RNLS: variants seen among roughly 807,000 people sequenced by gnomAD.
RNLS encodes the protein renalase.
In RNLS, 39 loss-of-function variants were observed where a neutral mutation model predicts 39.8. The observed-to-expected ratio is 0.98, with a 90% confidence interval of 0.76 to 1.28. The LOEUF is 1.28. RNLS is among the 50% of genes most tolerant of loss of function. The probability of loss-of-function intolerance (pLI) is 0.00; values close to 1 mark genes in which losing one functional copy is unlikely to be tolerated. For synonymous variants in RNLS, 147 were observed against 150.7 expected (o/e 0.98, Z 0.18); for missense variants, 410 against 413.3 (o/e 0.99, Z 0.07).
intron 5 of RNLS, among the ~76,000 whole-genome samples, chr10:88,347,851 G>C (rs373559471): frequency 6.6e-6 from 1 of 152,012 alleles, no homozygotes; most frequent in Non-Finnish European, 1.5e-5. Context: ...CAATTAGGCA[G>C]AGTAATTTAG....
At chr10:88,448,577 T>C (rs1842180263) in intron 4 of RNLS, among the ~76,000 whole-genome samples, 1 of 152,236 alleles carries the variant, frequency 6.6e-6, no homozygotes, top group Non-Finnish European at 1.5e-5. Context: ...TCAACCATTG[T>C]GGAAGACAGT....
At chr10:88,575,157 T>TAC (rs1281356005) in intron 3 of RNLS, among the ~76,000 whole-genome samples, 15 of 36,656 alleles carry the variant, frequency 4.1e-4, no homozygotes, top group Non-Finnish European at 6.9e-4. Flanking sequence ...TATATATATA[T>TAC]ATACACACAC....
the RNLS span, among the ~76,000 whole-genome samples, chr10:88,216,664 C>T: frequency 6.6e-6 from 1 of 152,240 alleles, no homozygotes; most frequent in African/African-American, 2.4e-5. Context: ...CTCTGGAGCA[C>T]AGAAGTGGCT....
intron 4 of RNLS, among the ~76,000 whole-genome samples, chr10:88,480,634 C>A (rs951826657): frequency 2.6e-5 from 4 of 152,192 alleles, no homozygotes; most frequent in African/African-American, 9.6e-5. Flanking sequence ...GTTGATCAGG[C>A]TGGTTTCGAA....
At position 88,362,245 on chromosome 10, in the gene RNLS, T is replaced by C. The variant is rs563206724; in HGVS notation, c.700+307A>G. On this transcript the variant is annotated intron_variant, in intron 5 of 6. Coordinates refer to ENST00000331772, the MANE Select transcript of RNLS (RefSeq NM_001031709.3). Reference sequence around the variant, plus strand: ...ACTTCACCAAGAAACAAATGAGAGATACATGTGCATATAGATGCATCCATA... The same window carrying C: ...ACTTCACCAAGAAACAAATGAGAGACACATGTGCATATAGATGCATCCATA... Among the ~76,000 whole-genome samples, 8 of 152,174 alleles carry C rather than the reference T, an allele frequency of 5.3e-5. No homozygotes were observed. In the East Asian group the frequency reaches 1.4e-3, roughly 26 times the overall value.
chr10:88,218,893 CTT>C, the RNLS span, among the ~76,000 whole-genome samples: 2 of 152,160 alleles, frequency 1.3e-5, no homozygotes, highest in Non-Finnish European at 2.9e-5. Context: ...CTTTGCCAAA[CTT>C]TTCCCACAGC....
chr10:88,196,149 C>CTT, the RNLS span, among the ~76,000 whole-genome samples: 3,171 of 122,220 alleles, frequency 0.026, 84 homozygotes, highest in South Asian at 0.15. Flanking sequence ...AGGGATCTCT[C>CTT]TTTTTAGTCA....
At chr10:88,450,126 C>T (rs931823808) in intron 4 of RNLS, among the ~76,000 whole-genome samples, 4 of 151,802 alleles carry the variant, frequency 2.6e-5, no homozygotes, top group Non-Finnish European at 5.9e-5. Context: ...GGGTAAGCTA[C>T]AGAACATGAT....
chr10:88,225,920 T>C, the RNLS span, among the ~76,000 whole-genome samples: 8 of 152,314 alleles, frequency 5.3e-5, no homozygotes, highest in African/African-American at 1.4e-4. Context: ...GTCCTATTTT[T>C]TTTTTCATCT....
At chr10:88,274,140 C>G (rs1564654392) in exon 7 of RNLS, 1 of 152,190 alleles carries the variant, frequency 6.6e-6, no homozygotes, top group Non-Finnish European at 1.5e-5. Flanking sequence ...AAATGCCCTT[C>G]TCCTCTTTGT....
At chr10:88,457,612 T>A (rs964667480) in intron 4 of RNLS, among the ~76,000 whole-genome samples, 2 of 145,822 alleles carry the variant, frequency 1.4e-5, no homozygotes, top group Non-Finnish European at 3.1e-5. Flanking sequence ...GTAAAGGATT[T>A]AGGGTTTATG....
At chr10:88,363,312 G>A (rs931723059) in intron 4 of RNLS, among the ~76,000 whole-genome samples, 1 of 151,888 alleles carries the variant, frequency 6.6e-6, no homozygotes, top group Non-Finnish European at 1.5e-5. Flanking sequence ...AATACCTAGG[G>A]GATGGGATGA....
At chr10:88,356,408 C>T (rs746062054) in intron 5 of RNLS, among the ~76,000 whole-genome samples, 7 of 152,162 alleles carry the variant, frequency 4.6e-5, no homozygotes, top group Admixed American at 6.5e-5. Context: ...ATAAAGTTCA[C>T]GGCTATTTGT....
chr10:88,290,612 A>C (rs912725021), intron 6 of RNLS, among the ~76,000 whole-genome samples: 4 of 152,230 alleles, frequency 2.6e-5, no homozygotes, highest in African/African-American at 9.6e-5. Flanking sequence ...AAGTTCTTTC[A>C]GATTTATCTA....
chr10:88,576,789 T>C (rs1850238085), intron 3 of RNLS, among the ~76,000 whole-genome samples: 1 of 152,236 alleles, frequency 6.6e-6, no homozygotes, highest in South Asian at 2.1e-4. Flanking sequence ...TCCTAGCTAA[T>C]GGCATCTGCC....
chr10:88,411,128 G>A (rs1470974210), intron 4 of RNLS, among the ~76,000 whole-genome samples: 1 of 152,098 alleles, frequency 6.6e-6, no homozygotes, highest in East Asian at 1.9e-4. Context: ...ACAGGAGTTG[G>A]TCACTGCACA....
At chr10:88,402,270 G>A (rs965942938) in intron 4 of RNLS, among the ~76,000 whole-genome samples, 1 of 151,846 alleles carries the variant, frequency 6.6e-6, no homozygotes, top group Non-Finnish European at 1.5e-5. Context: ...AATAGAAAGG[G>A]CAGAATAACT....
At chr10:88,498,174 A>G (rs912937340) in intron 4 of RNLS, among the ~76,000 whole-genome samples, 2 of 152,124 alleles carry the variant, frequency 1.3e-5, no homozygotes, top group African/African-American at 4.8e-5. Context: ...GATCATCACC[A>G]GTTAACATCG....
At chr10:88,566,437 A>C (rs1849507129) in intron 4 of RNLS, among the ~76,000 whole-genome samples, 1 of 152,194 alleles carries the variant, frequency 6.6e-6, no homozygotes. Flanking sequence ...ATGATTAACA[A>C]GAGACATATG....
Sources: gnomAD v4.1 joint callset for allele counts (sites outside exome capture counted in the v4.1 genomes callset) on GRCh38, gnomAD v4.1.1 for gene constraint, MANE v1.5 for transcripts, NCBI Gene and HGNC (gene_info 2026-07-23, HGNC 2026-07-21) for gene names.